The following FAM118B variants were observed in gnomAD, a reference collection of about 807,000 sequenced individuals.
The protein encoded by FAM118B is protein FAM118B.
FAM118B carries 24 observed loss-of-function variants against 38.5 expected under a neutral mutation model. That is an observed-to-expected ratio of 0.62 (90% confidence interval 0.45 to 0.88). The LOEUF (loss-of-function observed/expected upper bound fraction) is 0.88. Ranked by LOEUF, FAM118B falls within the 40% of genes least tolerant of loss-of-function variation. FAM118B has a pLI of 0.00. For missense variants in FAM118B, 334 were observed against 420.0 expected (o/e 0.80, Z 1.79); for synonymous variants, 138 against 156.3 (o/e 0.88, Z 0.87).
intron 1 of FAM118B, among the ~76,000 whole-genome samples, chr11:126,221,870 A>G (rs534933403): frequency 3.3e-5 from 5 of 152,268 alleles, no homozygotes; most frequent in African/African-American, 7.2e-5. Flanking sequence ...GAATTTTGCC[A>G]TAAGGGTATT....
Position 126,252,991 on chromosome 11 carries a change from C to T in FAM118B, c.568-1314C>T, listed in dbSNP as rs927694745. Among the ~76,000 whole-genome samples, 22 of 152,154 alleles carry T rather than the reference C, an allele frequency of 1.4e-4. 1 individual carries two copies. The highest frequency in any genetic ancestry group is 1.1e-3 in the Admixed American group (17 of 15,268). On this transcript the variant is annotated intron_variant, in intron 5 of 8. Transcript: ENST00000533050. This position sits in a 1 kb window ranked among gnomAD's most constrained non-coding sequence, Gnocchi z 4.7. ...CAGAGGTTTCAGTGAGCCAAGATTG[C>T]GCCACTGTGCTCCAATCTGGGCAAC...
In FAM118B at chr11:126,250,002, A is replaced by G. The variant is rs1342347712; in HGVS notation, c.340-504A>G. ...AAGCTTACGTATAGTAGCACTTGCTATCTGCTAAGCATTGTGCTAAGCACT... is the reference window on the plus strand; with the variant it reads ...AAGCTTACGTATAGTAGCACTTGCTGTCTGCTAAGCATTGTGCTAAGCACT... On this transcript the variant is annotated intron_variant, in intron 4 of 8. Transcript: ENST00000533050. The surrounding 1 kb of genome is among the most constrained non-coding windows in gnomAD (Gnocchi z 5.1). Among the ~76,000 whole-genome samples the G allele has an allele frequency of 1.3e-5, 2 of 152,102 alleles. No individual in the cohort carries two copies. The highest frequency in any genetic ancestry group is 6.6e-5 in the Admixed American group (1 of 15,258).
At chr11:126,258,509 C>T (rs1950616467) in intron 7 of FAM118B, among the ~76,000 whole-genome samples, 2 of 152,318 alleles carry the variant, frequency 1.3e-5, no homozygotes, top group South Asian at 2.1e-4. Context: ...TGAAAAATTA[C>T]ACAGCTTCTT....
chr11:126,237,904 T>G (rs1950302546), intron 3 of FAM118B, among the ~76,000 whole-genome samples: 1 of 151,614 alleles, frequency 6.6e-6, no homozygotes, highest in Admixed American at 6.6e-5. Flanking sequence ...AGGATATCAT[T>G]GTTTTCTTTT....
intron 4 of FAM118B, among the ~76,000 whole-genome samples, chr11:126,242,333 T>C (rs1188164079): frequency 1.3e-5 from 2 of 152,072 alleles, no homozygotes; most frequent in African/African-American, 2.4e-5. Context: ...CTCATGCCTA[T>C]AATCCCAGAA....
chr11:126,224,205 A>T (rs1950106389), intron 1 of FAM118B, among the ~76,000 whole-genome samples: 1 of 151,872 alleles, frequency 6.6e-6, no homozygotes, highest in Non-Finnish European at 1.5e-5. Context: ...AGGTCCAGTG[A>T]CTCTCGCCTT....
chr11:126,218,314 G>A (rs1054562763), intron 1 of FAM118B, among the ~76,000 whole-genome samples: 2 of 152,152 alleles, frequency 1.3e-5, no homozygotes, highest in Non-Finnish European at 2.9e-5. Context: ...GATATCCAGC[G>A]ACTTGCTCCC....
intron 1 of FAM118B, among the ~76,000 whole-genome samples, chr11:126,218,293 GTCT>G (rs1285434382): frequency 1.1e-4 from 16 of 152,172 alleles, no homozygotes; most frequent in African/African-American, 3.9e-4. Context: ...GTCTGGATGT[GTCT>G]TCCCTCAGAT....
intron 2 of FAM118B, among the ~76,000 whole-genome samples, chr11:126,230,429 C>A (rs1214444509): frequency 6.6e-6 from 1 of 152,216 alleles, no homozygotes; most frequent in Non-Finnish European, 1.5e-5. Context: ...CAGAGGATGA[C>A]TCTTTTCCCT....
At position 126,253,698 on chromosome 11, in the gene FAM118B, C is replaced by T. The variant is rs1950536438; in HGVS notation, c.568-607C>T. On this transcript the variant is annotated intron_variant, in intron 5 of 8. Coordinates refer to ENST00000533050, the MANE Select transcript of FAM118B (RefSeq NM_024556.4). The surrounding 1 kb of genome is among the most constrained non-coding windows in gnomAD (Gnocchi z 5.1). ...CATACCTGCAGACATCTGATGGCCG[C>T]ACCAGGGCTGAGTGATATAAGGGGA... Among the ~76,000 whole-genome samples the T allele has an allele frequency of 6.6e-6, 1 of 152,170 alleles. No individual in the cohort carries two copies. The highest frequency in any genetic ancestry group is 1.5e-5 in the Non-Finnish European group (1 of 68,042).
At chr11:126,221,256 T>C (rs1950059220) in intron 1 of FAM118B, among the ~76,000 whole-genome samples, 1 of 152,224 alleles carries the variant, frequency 6.6e-6, no homozygotes, top group Non-Finnish European at 1.5e-5. Context: ...AAGAATATCA[T>C]GCTAGTTTAA....
intron 2 of FAM118B, among the ~76,000 whole-genome samples, chr11:126,232,321 C>A (rs1342761316): frequency 6.6e-6 from 1 of 152,164 alleles, no homozygotes; most frequent in East Asian, 1.9e-4. Flanking sequence ...AATACTGGTA[C>A]TACCAAGTAC....
intron 2 of FAM118B, among the ~76,000 whole-genome samples, 199 bp from the exon 3 acceptor site, chr11:126,234,796 C>T (rs1053723843): frequency 1.3e-5 from 2 of 152,158 alleles, no homozygotes; most frequent in Non-Finnish European, 2.9e-5. Flanking sequence ...CTATAATTTC[C>T]AGATTACTTC....
In FAM118B at chr11:126,211,796, C is replaced by T; in HGVS notation, c.-111C>T. 1.3e-6 allele frequency: 1 copy of T among 757,902 alleles called. No individual in the cohort carries two copies. The highest frequency in any genetic ancestry group is 1.8e-5 in the South Asian group (1 of 56,726). The allele number at this position is 757,902 out of a possible 1,614,324, so 46.9% of individuals were successfully genotyped here. A position where few individuals can be genotyped will look rare whatever the true frequency, so the allele number is the denominator to read the frequency against. On this transcript the variant is annotated 5_prime_UTR_variant, in exon 1 of 9. Transcript: ENST00000533050. Reference sequence around the variant, plus strand: ...TCAGTGCGGCTGCGCCGGCCGGTAGCTGCAGCTGGAGCAGTGGCGTTTGGA... The same window carrying T: ...TCAGTGCGGCTGCGCCGGCCGGTAGTTGCAGCTGGAGCAGTGGCGTTTGGA...
intron 1 of FAM118B, among the ~76,000 whole-genome samples, chr11:126,213,153 C>T (rs891408033): frequency 2.0e-5 from 3 of 151,956 alleles, no homozygotes; most frequent in Admixed American, 6.5e-5. Flanking sequence ...AATCCACTCA[C>T]CTGGCACATA....
chr11:126,254,999 C>A (rs767149251), intron 6 of FAM118B, among the ~76,000 whole-genome samples: 3 of 152,196 alleles, frequency 2.0e-5, no homozygotes, highest in Non-Finnish European at 4.4e-5. Context: ...ATCATCTTCA[C>A]ATACAAAGGA....
At position 126,252,828 on chromosome 11, in the gene FAM118B, A is replaced by T. The variant is rs769518357; in HGVS notation, c.568-1477A>T. 7.9e-5 allele frequency among the ~76,000 whole-genome samples: 12 copies of T among 152,080 alleles called. No individual in the cohort carries two copies. Among genetic ancestry groups the T allele is most frequent in the Non-Finnish European group, 1.5e-4 (10 of 68,018 alleles). On this transcript the variant is annotated intron_variant, in intron 5 of 8. Coordinates refer to ENST00000533050, the MANE Select transcript of FAM118B (RefSeq NM_024556.4). The surrounding 1 kb of genome is among the most constrained non-coding windows in gnomAD (Gnocchi z 4.7). ...GGTGGGTGGATCACTTGAGGTCAGG[A>T]TTTTGAGACCAGCCTGTCCAACATG...
intron 1 of FAM118B, among the ~76,000 whole-genome samples, chr11:126,220,971 G>C (rs1255722727): frequency 6.6e-6 from 1 of 152,106 alleles, no homozygotes; most frequent in Non-Finnish European, 1.5e-5. Context: ...TGGATCGCTT[G>C]AGGCCAGGAG....
chr11:126,259,571 G>A (rs564381404), intron 7 of FAM118B, among the ~76,000 whole-genome samples: 28 of 151,890 alleles, frequency 1.8e-4, no homozygotes, highest in African/African-American at 4.8e-4. Context: ...AACTATAGGC[G>A]CCCACCACCA....
Sources: allele counts gnomAD v4.1 joint callset (sites outside exome capture counted in the v4.1 genomes callset), GRCh38; gene constraint gnomAD v4.1.1; non-coding constraint Gnocchi (gnomAD v3.1); transcripts MANE v1.5; gene names NCBI Gene and HGNC (gene_info 2026-07-23, HGNC 2026-07-21).